LURAP1L: variants seen among roughly 807,000 people sequenced by gnomAD.
LURAP1L encodes the protein leucine rich adaptor protein 1-like.
Under a neutral mutation model 13.8 loss-of-function variants are expected in LURAP1L, and 12 were observed. The observed-to-expected ratio is 0.87, with a 90% CI of 0.56 to 1.41. The LOEUF is 1.41. Among genes scored for constraint, LURAP1L ranks in the 40% most tolerant of loss-of-function variants. The pLI, the probability that LURAP1L is intolerant of heterozygous loss-of-function variation, is 0.00. For missense variants in LURAP1L, 375 were observed against 292.9 expected (o/e 1.28, Z -2.04); for synonymous variants, 139 against 119.2 (o/e 1.17, Z -1.08).
chr9:12,789,676 C>CT lies in LURAP1L; in HGVS notation c.312+13650dup, dbSNP rs569419257. Among the ~76,000 whole-genome samples, 428 of 152,290 alleles carry CT rather than the reference C, an allele frequency of 2.8e-3. 2 individuals carry two copies. Among genetic ancestry groups the CT allele is most frequent in the Non-Finnish European group, 4.9e-3 (336 of 68,024 alleles). On this transcript the variant is annotated intron_variant, in intron 1 of 1. Coordinates refer to ENST00000319264, the MANE Select transcript of LURAP1L (RefSeq NM_203403.2). ...CATAGGAAGGCAAGGGAGTTGACAA[C>CT]TACTTTAAGAAATATTTACAAACCA...
At chr9:12,815,812 T>C (rs1819797542) in intron 1 of LURAP1L, among the ~76,000 whole-genome samples, 2 of 152,314 alleles carry the variant, frequency 1.3e-5, no homozygotes, top group South Asian at 2.1e-4. Flanking sequence ...AGTTAATATA[T>C]AGACATATTA....
rs1366318176 is a variant in LURAP1L, at chr9:12,775,583, C to T, written c.-133C>T. ...ACCGCATAGGCGGTTATGGAAAGGA[C>T]GGTACACCGGAGCGGCGGAGGATAG... On this transcript the variant is annotated 5_prime_UTR_variant, in exon 1 of 2. The change creates a new upstream start codon in the 5' untranslated region. Coordinates refer to ENST00000319264, the MANE Select transcript of LURAP1L (RefSeq NM_203403.2). 2 of 1,393,496 alleles carry T rather than the reference C, an allele frequency of 1.4e-6. No homozygotes were observed. The highest frequency in any genetic ancestry group is 3.1e-5 in the Admixed American group (1 of 32,640). The allele number at this position is 1,393,496 out of a possible 1,614,324, so 86.3% of individuals were successfully genotyped here.
chr9:12,821,368 TTCTC>T lies in LURAP1L; in HGVS notation c.313-14_313-11del. On this transcript the variant is annotated splice_polypyrimidine_tract_variant and intron_variant, in intron 1 of 1. Transcript: ENST00000319264. ...GTGTAAAATGGCTGGAATATCTTTCTTCTCTCTTTGTCCATAGGTTAACCTCAGA... is the reference window on the plus strand; with the variant it reads ...GTGTAAAATGGCTGGAATATCTTTCTTCTTTGTCCATAGGTTAACCTCAGA... 1 of 1,597,692 alleles carries T rather than the reference TTCTC, an allele frequency of 6.3e-7. No homozygotes were observed. Among genetic ancestry groups the T allele is most frequent in the Non-Finnish European group, 8.6e-7 (1 of 1,168,444 alleles).
intron 1 of LURAP1L, among the ~76,000 whole-genome samples, chr9:12,820,538 C>G (rs1198015924): frequency 7.5e-6 from 1 of 132,548 alleles, no homozygotes; most frequent in Non-Finnish European, 1.5e-5. Flanking sequence ...GACCACACAC[C>G]TAGAAGGCAC....
At chr9:12,807,495 G>C (rs902407693) in intron 1 of LURAP1L, among the ~76,000 whole-genome samples, 2 of 152,114 alleles carry the variant, frequency 1.3e-5, no homozygotes, top group African/African-American at 4.8e-5. Flanking sequence ...CTTAAAATCT[G>C]CAAGAATATG....
At chr9:12,786,232 A>G (rs1183465918) in intron 1 of LURAP1L, among the ~76,000 whole-genome samples, 1 of 151,954 alleles carries the variant, frequency 6.6e-6, no homozygotes, top group Non-Finnish European at 1.5e-5. Flanking sequence ...TTATCTAGTC[A>G]AATTTTATCT....
intron 1 of LURAP1L, among the ~76,000 whole-genome samples, chr9:12,813,694 C>T (rs940814243): frequency 2.6e-5 from 4 of 152,138 alleles, no homozygotes; most frequent in Non-Finnish European, 5.9e-5. Flanking sequence ...AACTGTTATT[C>T]AATTCAGTGA....
At chr9:12,791,888 A>G (rs775623770) in intron 1 of LURAP1L, among the ~76,000 whole-genome samples, 36 of 152,186 alleles carry the variant, frequency 2.4e-4, no homozygotes, top group Middle Eastern at 3.4e-3. Context: ...ACAATTAATG[A>G]CTTATGTCAC....
At chr9:12,792,837 T>G (rs1819460475) in intron 1 of LURAP1L, among the ~76,000 whole-genome samples, 1 of 152,050 alleles carries the variant, frequency 6.6e-6, no homozygotes, top group African/African-American at 2.4e-5. Flanking sequence ...ATTTTACCAT[T>G]TATATTTGTG....
chr9:12,797,697 G>C (rs1819527345), intron 1 of LURAP1L, among the ~76,000 whole-genome samples: 1 of 151,812 alleles, frequency 6.6e-6, no homozygotes, highest in Admixed American at 6.6e-5. Flanking sequence ...AGTTCTCTAA[G>C]GATTTTATTT....
At chr9:12,788,238 T>C (rs1403618359) in intron 1 of LURAP1L, among the ~76,000 whole-genome samples, 1 of 151,338 alleles carries the variant, frequency 6.6e-6, no homozygotes, top group East Asian at 2.0e-4. Flanking sequence ...TAGGTTTGTA[T>C]GTATATGACT....
At chr9:12,798,996 T>A (rs1353678338) in intron 1 of LURAP1L, among the ~76,000 whole-genome samples, 1 of 152,220 alleles carries the variant, frequency 6.6e-6, no homozygotes, top group African/African-American at 2.4e-5. Context: ...ATTCTTTTTT[T>A]AATCCAGTCC....
intron 1 of LURAP1L, among the ~76,000 whole-genome samples, chr9:12,799,139 G>C (rs1819549878): frequency 6.6e-6 from 1 of 152,086 alleles, no homozygotes; most frequent in South Asian, 2.1e-4. Flanking sequence ...CAAGATATTT[G>C]TCCCATTTCT....
rs1819175159 is a variant in LURAP1L, at chr9:12,775,988, G to T, written c.273G>T (p.Glu91Asp). The change falls in exon 1 of 2, where the codon GAG (glutamate) becomes GAT (aspartate). Residue 91 changes from glutamate to aspartate, a missense_variant. Coordinates refer to ENST00000319264, the MANE Select transcript of LURAP1L (RefSeq NM_203403.2). Reference protein sequence around the residue: ...SPRGSHSSALERLETKLHLLR... With the variant: ...SPRGSHSSALDRLETKLHLLR... ...GAGGTAGCCACTCTAGCGCCCTGGA[G>T]AGGCTAGAAACCAAGCTTCACCTCC... 2 of 1,609,854 alleles carry T rather than the reference G, an allele frequency of 1.2e-6. No individual in the cohort carries two copies. The highest frequency in any genetic ancestry group is 1.7e-6 in the Non-Finnish European group (2 of 1,178,402).
At chr9:12,812,022 A>G (rs1467590221) in intron 1 of LURAP1L, among the ~76,000 whole-genome samples, 1 of 152,192 alleles carries the variant, frequency 6.6e-6, no homozygotes, top group Admixed American at 6.5e-5. Flanking sequence ...TATGCATCTC[A>G]CAAGGGGCAG....
intron 1 of LURAP1L, among the ~76,000 whole-genome samples, chr9:12,816,859 G>T (rs1170845878): frequency 2.6e-5 from 4 of 152,162 alleles, no homozygotes; most frequent in Non-Finnish European, 4.4e-5. Context: ...AAGAGGAAAG[G>T]ACATCCACAT....
chr9:12,787,570 T>A, intron 1 of LURAP1L, among the ~76,000 whole-genome samples: 1 of 152,160 alleles, frequency 6.6e-6, no homozygotes, highest in Admixed American at 6.5e-5. Flanking sequence ...AATTCTCTAC[T>A]CTCATCCTAG....
intron 1 of LURAP1L, among the ~76,000 whole-genome samples, chr9:12,818,451 C>G (rs1819831937): frequency 6.6e-6 from 1 of 152,152 alleles, no homozygotes; most frequent in Non-Finnish European, 1.5e-5. Context: ...TCAAGCAATG[C>G]TTAGTACAGA....
At chr9:12,813,568 C>T (rs75791266) in intron 1 of LURAP1L, among the ~76,000 whole-genome samples, 2,947 of 152,166 alleles carry the variant, frequency 0.019, 112 homozygotes, top group African/African-American at 0.068. Flanking sequence ...GTTGTCTAGA[C>T]TTAAGTGATA....
Sources: gnomAD v4.1 joint callset for allele counts (sites outside exome capture counted in the v4.1 genomes callset) on GRCh38, gnomAD v4.1.1 for gene constraint, MANE v1.5 for transcripts, NCBI Gene and HGNC (gene_info 2026-07-23, HGNC 2026-07-21) for gene names.